The following SMYD3 variants were observed in gnomAD, a reference collection of about 807,000 sequenced individuals.
SMYD3 encodes the protein SET and MYND domain containing 3, also known as histone-lysine N-methyltransferase SMYD3.
Under a neutral mutation model 57.7 loss-of-function variants are expected in SMYD3, and 36 were observed. The ratio of observed to expected loss-of-function variants is 0.62; its 90% CI spans 0.48 to 0.82. The LOEUF (loss-of-function observed/expected upper bound fraction) is 0.82, where lower values mean the gene tolerates loss of function less well. Ranked by LOEUF, SMYD3 falls within the 40% of genes least tolerant of loss-of-function variation. SMYD3 has a pLI of 0.00. For missense variants in SMYD3, 515 were observed against 538.8 expected, an observed-to-expected ratio of 0.96 and a Z score of 0.44; for synonymous variants, 211 against 195.0, an observed-to-expected ratio of 1.08 and a Z score of -0.68.
Position 246,009,347 on chromosome 1 carries a change from C to T in SMYD3, c.532-79410G>A, listed in dbSNP as rs2059236180. Among the ~76,000 whole-genome samples, 2 of 152,196 alleles carry T rather than the reference C, an allele frequency of 1.3e-5. 1 individual carries two copies. Among genetic ancestry groups the T allele is most frequent in the Admixed American group, 1.3e-4 (2 of 15,286 alleles). On this transcript the variant is annotated intron_variant, in intron 5 of 11. Coordinates refer to ENST00000490107, the MANE Select transcript of SMYD3 (RefSeq NM_001167740.2). ...ATAGCCTGAAGCTAGAGGACACCAC[C>T]TACTCTTATCTACAGTGTCCCTTCT...
intron 8 of SMYD3, among the ~76,000 whole-genome samples, chr1:245,875,205 C>A (rs1354756461): frequency 6.6e-6 from 1 of 152,264 alleles, no homozygotes; most frequent in East Asian, 1.9e-4. Flanking sequence ...CCTGCCTCCA[C>A]CTCCATTCTC....
intron 1 of SMYD3, among the ~76,000 whole-genome samples, chr1:246,371,282 C>A (rs912749620): frequency 6.6e-6 from 1 of 152,164 alleles, no homozygotes; most frequent in Non-Finnish European, 1.5e-5. Flanking sequence ...TATTAAAATA[C>A]ACTGGCTTGT....
At chr1:245,782,451 T>C (rs74760544) in intron 10 of SMYD3, among the ~76,000 whole-genome samples, 331 of 152,334 alleles carry the variant, frequency 2.2e-3, no homozygotes, top group African/African-American at 7.6e-3. Flanking sequence ...TATTTTGCCA[T>C]TGTCAAAGTG....
chr1:246,208,149 T>C (rs1307088509), intron 5 of SMYD3, among the ~76,000 whole-genome samples: 3 of 152,148 alleles, frequency 2.0e-5, no homozygotes, highest in Non-Finnish European at 2.9e-5. Context: ...TCTCATAGGC[T>C]AAATCAAAGC....
intron 10 of SMYD3, among the ~76,000 whole-genome samples, chr1:245,846,029 T>A (rs1310181476): frequency 6.6e-6 from 1 of 152,186 alleles, no homozygotes; most frequent in Non-Finnish European, 1.5e-5. Flanking sequence ...TACACAGTTT[T>A]TAAATCTGGA....
chr1:245,801,085 A>G (rs1389975635), intron 10 of SMYD3, among the ~76,000 whole-genome samples: 1 of 152,220 alleles, frequency 6.6e-6, no homozygotes, highest in Non-Finnish European at 1.5e-5. Flanking sequence ...TTTGACTTTT[A>G]AAGTCAAGTT....
At chr1:246,307,491 C>T (rs531431233) in intron 5 of SMYD3, among the ~76,000 whole-genome samples, 17 of 143,742 alleles carry the variant, frequency 1.2e-4, no homozygotes, top group African/African-American at 3.9e-4. Flanking sequence ...GTGATCTCGG[C>T]TCACTGCAAG....
chr1:246,498,782 A>G (rs1350215268), intron 1 of SMYD3, among the ~76,000 whole-genome samples: 1 of 151,720 alleles, frequency 6.6e-6, no homozygotes, highest in Non-Finnish European at 1.5e-5. Context: ...TCTTAAAAAG[A>G]AAAAATATAA....
At chr1:245,939,955 C>T (rs1486348335) in intron 5 of SMYD3, among the ~76,000 whole-genome samples, 4 of 152,282 alleles carry the variant, frequency 2.6e-5, no homozygotes, top group East Asian at 1.9e-4. Context: ...TGGCTCCAGT[C>T]GGTGCCGGGG....
At chr1:246,065,023 T>C (rs2060317792) in intron 5 of SMYD3, among the ~76,000 whole-genome samples, 1 of 152,226 alleles carries the variant, frequency 6.6e-6, no homozygotes, top group Non-Finnish European at 1.5e-5. Context: ...GTGTGCATGG[T>C]TTTTTCCAAA....
intron 11 of SMYD3, among the ~76,000 whole-genome samples, chr1:245,754,450 T>C (rs1170913659): frequency 6.6e-6 from 1 of 152,160 alleles, no homozygotes; most frequent in Admixed American, 6.5e-5. Flanking sequence ...TTTCTTATTC[T>C]GCCCAACTCA....
chr1:245,846,626 T>A (rs925900116), intron 10 of SMYD3, among the ~76,000 whole-genome samples: 3 of 152,224 alleles, frequency 2.0e-5, no homozygotes, highest in Non-Finnish European at 2.9e-5. Context: ...CAAGAGAGGT[T>A]AACATCCTTC....
Position 246,407,917 on chromosome 1 carries a change from A to G in SMYD3, c.165-52823T>C, listed in dbSNP as rs375512184. On this transcript the variant is annotated intron_variant, in intron 1 of 11. Coordinates refer to ENST00000490107, the MANE Select transcript of SMYD3 (RefSeq NM_001167740.2). ...GGAGGCTGGGAAATCCAAAAATCAAAACGTCTGCATATTCAGCGTCTGAGA... is the reference window on the plus strand; with the variant it reads ...GGAGGCTGGGAAATCCAAAAATCAAGACGTCTGCATATTCAGCGTCTGAGA... Among the ~76,000 whole-genome samples the G allele has an allele frequency of 4.0e-5, 6 of 151,726 alleles. No individual in the cohort carries two copies. In the East Asian group the frequency reaches 9.7e-4, roughly 25 times the overall value.
intron 10 of SMYD3, among the ~76,000 whole-genome samples, chr1:245,812,701 C>CAAAAAA (rs10636374): frequency 5.3e-5 from 7 of 130,958 alleles, no homozygotes; most frequent in African/African-American, 1.4e-4. Flanking sequence ...ACAACAGTTC[C>CAAAAAA]AAAAAAAAAA....
At chr1:245,864,664 TA>T (rs1485176850) in intron 8 of SMYD3, among the ~76,000 whole-genome samples, 1 of 152,098 alleles carries the variant, frequency 6.6e-6, no homozygotes, top group Non-Finnish European at 1.5e-5. Context: ...TCTGGGGTGA[TA>T]AAAATGCTCT....
rs534338651 is a variant in SMYD3, at chr1:246,045,985, G to C, written c.532-116048C>G. Among the ~76,000 whole-genome samples the C allele has an allele frequency of 1.7e-4, 26 of 152,302 alleles. 1 individual carries two copies. The South Asian group carries it at 5.4e-3, about 32-fold the overall frequency. On this transcript the variant is annotated intron_variant, in intron 5 of 11. Coordinates refer to ENST00000490107, the MANE Select transcript of SMYD3 (RefSeq NM_001167740.2). ...AAAAGTCAGGAAACAACAGGTGCTG[G>C]AGAGGATGTGGAGAAATAGGAACAC...
At chr1:246,083,791 G>A (rs1484601996) in intron 5 of SMYD3, among the ~76,000 whole-genome samples, 8 of 152,064 alleles carry the variant, frequency 5.3e-5, no homozygotes, top group Admixed American at 5.2e-4. Context: ...CCCAAGTAAG[G>A]GGGATTCTGG....
At chr1:246,201,438 C>G (rs2062922059) in intron 5 of SMYD3, among the ~76,000 whole-genome samples, 1 of 152,150 alleles carries the variant, frequency 6.6e-6, no homozygotes, top group African/African-American at 2.4e-5. Context: ...TTATTTGGGT[C>G]ACTATATCTG....
intron 5 of SMYD3, among the ~76,000 whole-genome samples, chr1:246,081,865 G>C (rs2060642722): frequency 6.6e-6 from 1 of 152,132 alleles, no homozygotes; most frequent in South Asian, 2.1e-4. Context: ...AACACTCCAA[G>C]ACCTCATCTC....
Sources: allele counts gnomAD v4.1 joint callset (sites outside exome capture counted in the v4.1 genomes callset), GRCh38; gene constraint gnomAD v4.1.1; transcripts MANE v1.5; gene names NCBI Gene and HGNC (gene_info 2026-07-23, HGNC 2026-07-21).